GALNT13: variants seen among roughly 807,000 people sequenced by gnomAD.
The protein encoded by GALNT13 is UDP-GalNAc:polypeptide N-acetylgalactosaminyltransferase 13.
A neutral mutation model predicts 64.2 loss-of-function variants in GALNT13; 28 were observed. That is an observed-to-expected ratio of 0.44 (90% CI 0.32 to 0.60). The LOEUF (loss-of-function observed/expected upper bound fraction) is 0.60. Ranked by LOEUF, GALNT13 falls within the 20% of genes least tolerant of loss-of-function variation. GALNT13 has a pLI of 0.05. For missense variants in GALNT13, 577 were observed against 669.8 expected, an observed-to-expected ratio of 0.86 and a Z score of 1.53; for synonymous variants, 214 against 224.6, an observed-to-expected ratio of 0.95 and a Z score of 0.42.
chr2:153,422,772 A>T, the GALNT13 span, among the ~76,000 whole-genome samples: 9 of 152,114 alleles, frequency 5.9e-5, no homozygotes, highest in Non-Finnish European at 1.2e-4. Flanking sequence ...AATAAATAAA[A>T]GTCTGAGTAA....
rs150840756 is a variant in GALNT13 at position 154,170,305 on chromosome 2, G to A, written c.311+29800G>A. Among the ~76,000 whole-genome samples the A allele has an allele frequency of 8.5e-5, 13 of 152,214 alleles. No homozygotes were observed. The East Asian group carries it at 2.3e-3, about 27-fold the overall frequency. On this transcript the variant is annotated intron_variant, in intron 4 of 12. Coordinates refer to ENST00000392825, the MANE Select transcript of GALNT13 (RefSeq NM_052917.4). ...CTTCCAGAAACACCCTCACAGATAT[G>A]CCCAGAAATAATGCTTTTCCAGCTA...
At chr2:153,295,704 A>T in the GALNT13 span, among the ~76,000 whole-genome samples, 1 of 152,152 alleles carries the variant, frequency 6.6e-6, no homozygotes, top group Admixed American at 6.5e-5. Context: ...CCAGTATCTC[A>T]CTAGCACCAG....
At chr2:154,389,229 G>A (rs927651500) in intron 9 of GALNT13, among the ~76,000 whole-genome samples, 12 of 152,004 alleles carry the variant, frequency 7.9e-5, no homozygotes, top group Admixed American at 2.6e-4. Context: ...TCCACCTCCC[G>A]GGTTCAAGTG....
intron 1 of GALNT13, among the ~76,000 whole-genome samples, chr2:153,891,782 C>A (rs1018674661): frequency 6.6e-6 from 1 of 152,032 alleles, no homozygotes; most frequent in Non-Finnish European, 1.5e-5. Flanking sequence ...GGTTAAATTT[C>A]AAATTCTTTA....
chr2:153,439,031 T>C, the GALNT13 span, among the ~76,000 whole-genome samples: 1 of 152,194 alleles, frequency 6.6e-6, no homozygotes, highest in Admixed American at 6.5e-5. Flanking sequence ...TTAGTTTTCC[T>C]TCTAACAGTC....
chr2:154,152,040 A>G (rs1210134568), intron 4 of GALNT13, among the ~76,000 whole-genome samples: 4 of 152,086 alleles, frequency 2.6e-5, no homozygotes, highest in Non-Finnish European at 4.4e-5. Context: ...GGTCTTTACA[A>G]TTTGGCATGT....
the GALNT13 span, among the ~76,000 whole-genome samples, chr2:153,748,969 A>G: frequency 6.6e-6 from 1 of 152,054 alleles, no homozygotes; most frequent in African/African-American, 2.4e-5. Context: ...GAAGTCTTAG[A>G]CTTAAGGCTG....
the GALNT13 span, among the ~76,000 whole-genome samples, chr2:153,741,896 G>A: frequency 5.9e-5 from 9 of 152,022 alleles, no homozygotes; most frequent in Non-Finnish European, 1.0e-4. Context: ...ACAAAGTGAT[G>A]TTATGATTTA....
At chr2:154,291,088 A>T (rs1692598065) in intron 8 of GALNT13, among the ~76,000 whole-genome samples, 1 of 152,076 alleles carries the variant, frequency 6.6e-6, no homozygotes, top group Non-Finnish European at 1.5e-5. Context: ...CACAGCGTGG[A>T]AAGGGACCTG....
At chr2:153,615,685 A>G in the GALNT13 span, among the ~76,000 whole-genome samples, 1 of 152,122 alleles carries the variant, frequency 6.6e-6, no homozygotes, top group African/African-American at 2.4e-5. Context: ...CCATTTGAGA[A>G]AATGGAAATC....
Position 154,042,695 on chromosome 2 carries a change from C to CATATATATATAT in GALNT13, c.143-97625_143-97614dup, listed in dbSNP as rs70981696. Among the ~76,000 whole-genome samples the CATATATATATAT allele has an allele frequency of 4.1e-4, 44 of 107,960 alleles. 2 individuals are homozygous for CATATATATATAT. Among genetic ancestry groups the CATATATATATAT allele is most frequent in the African/African-American group, 1.1e-3 (37 of 34,264 alleles). The allele number at this position is 107,960 out of a possible 152,430, so 70.8% of individuals were successfully genotyped here. A position where few individuals can be genotyped will look rare whatever the true frequency, so the allele number is the denominator to read the frequency against. Reference sequence around the variant, plus strand: ...CTTTACCCTAGTCCTTATCATTATGCATATATATATATATATATATATATA... The same window carrying CATATATATATAT: ...CTTTACCCTAGTCCTTATCATTATGCATATATATATATATATATATATATATATATATATATA... On this transcript the variant is annotated intron_variant, in intron 3 of 12. Coordinates refer to ENST00000392825, the MANE Select transcript of GALNT13 (RefSeq NM_052917.4).
intron 3 of GALNT13, among the ~76,000 whole-genome samples, chr2:154,033,832 G>A (rs901706501): frequency 6.6e-5 from 10 of 152,168 alleles, no homozygotes; most frequent in Non-Finnish European, 1.0e-4. Flanking sequence ...CCAGCTACTC[G>A]GGAGGCTGAG....
At chr2:154,083,205 G>A (rs149792885) in intron 3 of GALNT13, among the ~76,000 whole-genome samples, 501 of 151,862 alleles carry the variant, frequency 3.3e-3, no homozygotes, top group Non-Finnish European at 5.0e-3. Context: ...CAGGTTTGTC[G>A]AGGATCAGAT....
In GALNT13 at chr2:154,081,134, C is replaced by G. The variant is rs569869675; in HGVS notation, c.143-59203C>G. 5.3e-5 allele frequency among the ~76,000 whole-genome samples: 8 copies of G among 151,686 alleles called. No homozygotes were observed. In the East Asian group the frequency reaches 1.2e-3, roughly 22 times the overall value. Reference sequence around the variant, plus strand: ...GTAATCCAAATGATTTTAGCATCAACTCCACAGAGAAGTCATGAAGCCTGT... The same window carrying G: ...GTAATCCAAATGATTTTAGCATCAAGTCCACAGAGAAGTCATGAAGCCTGT... On this transcript the variant is annotated intron_variant, in intron 3 of 12. Coordinates refer to ENST00000392825, the MANE Select transcript of GALNT13 (RefSeq NM_052917.4).
At chr2:153,402,756 C>G in the GALNT13 span, among the ~76,000 whole-genome samples, 1 of 152,296 alleles carries the variant, frequency 6.6e-6, no homozygotes, top group East Asian at 1.9e-4. Flanking sequence ...ACGTAGTTCT[C>G]AAGCCTTGGT....
At chr2:153,959,978 C>G (rs1414085447) in intron 3 of GALNT13, among the ~76,000 whole-genome samples, 1 of 152,164 alleles carries the variant, frequency 6.6e-6, no homozygotes, top group Non-Finnish European at 1.5e-5. Context: ...TGGGAGGGGC[C>G]TGCATGGCCA....
chr2:154,431,529 A>G (rs1312433866), intron 11 of GALNT13, among the ~76,000 whole-genome samples: 1 of 152,234 alleles, frequency 6.6e-6, no homozygotes, highest in Non-Finnish European at 1.5e-5. Context: ...CCTTGAAATT[A>G]TTTAGATGTT....
chr2:153,532,070 C>G, the GALNT13 span, among the ~76,000 whole-genome samples: 1 of 152,140 alleles, frequency 6.6e-6, no homozygotes, highest in Non-Finnish European at 1.5e-5. Flanking sequence ...CCCAGCTCCA[C>G]TAAGCAGTGC....
the GALNT13 span, among the ~76,000 whole-genome samples, chr2:153,082,618 TACACACACACACACAC>T: frequency 0.089 from 2,655 of 29,840 alleles, 223 homozygotes; most frequent in Admixed American, 0.13. Context: ...TATATATATA[TACACACACACACACAC>T]ACACACACAC....
Sources: gnomAD v4.1 joint callset for allele counts (sites outside exome capture counted in the v4.1 genomes callset) on GRCh38, gnomAD v4.1.1 for gene constraint, MANE v1.5 for transcripts, NCBI Gene and HGNC (gene_info 2026-07-23, HGNC 2026-07-21) for gene names.